PROX1: variants seen among roughly 807,000 people sequenced by gnomAD.
PROX1 encodes prospero homeobox 1.
PROX1 carries 7 observed loss-of-function variants against 58.8 expected under a neutral mutation model. That is an observed-to-expected ratio of 0.12 (90% CI 0.07 to 0.22). PROX1 has a LOEUF of 0.22. Ranked by LOEUF, PROX1 falls within the 10% of genes least tolerant of loss-of-function variation. The pLI, the probability that PROX1 is intolerant of heterozygous loss-of-function variation, is 1.00. For missense variants in PROX1, 675 were observed against 927.8 expected (o/e 0.73, Z 3.54); for synonymous variants, 350 against 358.3 (o/e 0.98, Z 0.26).
chr1:214,011,630 C>T lies in PROX1; in HGVS notation c.1943C>T (p.Thr648Ile), dbSNP rs771082513. 5 of 1,614,096 alleles carry T rather than the reference C, an allele frequency of 3.1e-6. No homozygotes were observed. The highest frequency in any genetic ancestry group is 4.2e-6 in the Non-Finnish European group (5 of 1,179,958). The change falls in exon 4 of 5, where the codon ACC becomes ATC. Residue 648 changes from threonine to isoleucine, a missense_variant. Transcript: ENST00000366958. Reference sequence around the variant, plus strand: ...CGTCAAGCCATCAACGATGGGGTCACCAGTACTGAAGAGCTGTCTATAACC... The same window carrying T: ...CGTCAAGCCATCAACGATGGGGTCATCAGTACTGAAGAGCTGTCTATAACC... ...YARQAINDGV[T>I]STEELSITRD... is the part of the protein sequence containing the mutation.
chr1:213,996,951 A>G lies in PROX1; in HGVS notation c.416A>G (p.Glu139Gly). Reference protein sequence around the residue: ...CSNSSRDSPPECLSPFGRPTM... With the variant: ...CSNSSRDSPPGCLSPFGRPTM... ...AACTCTTCAAGAGACAGCCCCCCAGAGTGTCTTTCCCCTTTTGGCAGGCCT... is the reference window on the plus strand; with the variant it reads ...AACTCTTCAAGAGACAGCCCCCCAGGGTGTCTTTCCCCTTTTGGCAGGCCT... The change falls in exon 2 of 5, where the codon GAG becomes GGG. Residue 139 changes from glutamate (E) to glycine (G), a missense_variant. By Grantham distance (98) the Glu-to-Gly change is moderately conservative. This residue lies in a region of PROX1 where 157 missense variants were observed against 197.8 expected (regional missense o/e 0.79). Coordinates refer to ENST00000366958, the MANE Select transcript of PROX1 (RefSeq NM_001270616.2). 1 of 1,614,094 alleles carries G rather than the reference A, an allele frequency of 6.2e-7. No individual in the cohort carries two copies. The highest frequency in any genetic ancestry group is 8.5e-7 in the Non-Finnish European group (1 of 1,180,024).
chr1:213,987,493 G>A (rs1178341501), upstream of PROX1: 1 of 147,626 alleles, frequency 6.8e-6, no homozygotes, highest in Admixed American at 6.8e-5. Context: ...CCAAGTCGGA[G>A]GAGCGCTCAC....
chr1:213,991,425 A>AAC (rs145380929), intron 1 of PROX1, among the ~76,000 whole-genome samples: 33 of 151,446 alleles, frequency 2.2e-4, no homozygotes, highest in Non-Finnish European at 2.4e-4. Flanking sequence ...CCACCTCCCA[A>AAC]ACACACACAC....
chr1:214,003,896 T>C (rs2360068), intron 2 of PROX1, among the ~76,000 whole-genome samples: 41,978 of 152,164 alleles, frequency 0.28, 6,004 homozygotes, highest in Admixed American at 0.39. Flanking sequence ...TGGAAAATTT[T>C]ACCTTTCCTA....
chr1:214,036,673 G>C lies in PROX1; in HGVS notation c.*839G>C, dbSNP rs886902525. 1 of 152,090 alleles carries C rather than the reference G, an allele frequency of 6.6e-6. No homozygotes were observed. The highest frequency in any genetic ancestry group is 1.5e-5 in the Non-Finnish European group (1 of 68,008). 9.4% of individuals were successfully genotyped at this position (152,090 alleles called of 1,614,324 possible). On this transcript the variant is annotated 3_prime_UTR_variant, in exon 5 of 5. Transcript: ENST00000366958. ...TCATTTTTGCTTCAGATACTAAAAGGCACTAAGTTTCCAATTTACGCTGCT... is the reference window on the plus strand; with the variant it reads ...TCATTTTTGCTTCAGATACTAAAAGCCACTAAGTTTCCAATTTACGCTGCT...
upstream of PROX1, chr1:213,985,485 GCTC>G (rs1662802180): frequency 6.6e-6 from 1 of 152,204 alleles, no homozygotes; most frequent in African/African-American, 2.4e-5. Context: ...CGTGGCGCGC[GCTC>G]CTATTTCAAG....
chr1:214,034,118 G>T (rs1446460628), intron 4 of PROX1, among the ~76,000 whole-genome samples: 1 of 152,150 alleles, frequency 6.6e-6, no homozygotes, highest in African/African-American at 2.4e-5. Context: ...TTTCTGCAGA[G>T]TTATTACATT....
At chr1:213,986,211 G>C (rs1662819755), upstream of PROX1, 1 of 151,978 alleles carries the variant, frequency 6.6e-6, no homozygotes, top group Non-Finnish European at 1.5e-5. Flanking sequence ...TGAGTGGTGC[G>C]TGTGCGCTCC....
rs778345593 is a variant in PROX1, at chr1:214,038,579, C to A, written c.*2745C>A. On this transcript the variant is annotated 3_prime_UTR_variant, in exon 5 of 5. Transcript: ENST00000366958. The stretch of plus-strand genomic sequence containing the variant: ...CACACTACCACTTATTTTCTGCTAA[C>A]CCTAAATTATTTTTGCGTATACGCT... 1 of 152,090 alleles carries A rather than the reference C, an allele frequency of 6.6e-6. No homozygotes were observed. The highest frequency in any genetic ancestry group is 2.4e-5 in the African/African-American group (1 of 41,396). The allele number at this position is 152,090 out of a possible 1,614,324, so 9.4% of individuals were successfully genotyped here.
At position 214,035,951 on chromosome 1, in the gene PROX1, A is replaced by G; in HGVS notation, c.*117A>G. On this transcript the variant is annotated 3_prime_UTR_variant, in exon 5 of 5. Transcript: ENST00000366958. ...TGTGTATGGGAGGCATGGATATGTTATGAAATCAGCTGGTAATTCCTCCTC... is the reference window on the plus strand; with the variant it reads ...TGTGTATGGGAGGCATGGATATGTTGTGAAATCAGCTGGTAATTCCTCCTC... 1 of 830,274 alleles carries G rather than the reference A, an allele frequency of 1.2e-6. No individual in the cohort carries two copies. Among genetic ancestry groups the G allele is most frequent in the Non-Finnish European group, 1.7e-6 (1 of 583,990 alleles). 51.4% of individuals were successfully genotyped at this position (830,274 alleles called of 1,614,324 possible).
intron 4 of PROX1, among the ~76,000 whole-genome samples, chr1:214,017,418 T>A (rs1664131973): frequency 6.6e-6 from 1 of 152,196 alleles, no homozygotes; most frequent in African/African-American, 2.4e-5. Flanking sequence ...CCTTATCAGT[T>A]ACTCCATTTA....
intron 2 of PROX1, among the ~76,000 whole-genome samples, chr1:214,004,585 A>T (rs955840777): frequency 1.3e-5 from 2 of 152,214 alleles, no homozygotes; most frequent in African/African-American, 4.8e-5. Context: ...ATTTAAAAGG[A>T]AAAACAATTA....
In PROX1 at chr1:214,039,535, T is replaced by C. The variant is rs1664936778; in HGVS notation, c.*3701T>C. 1 of 152,198 alleles carries C rather than the reference T, an allele frequency of 6.6e-6. No individual in the cohort carries two copies. The highest frequency in any genetic ancestry group is 1.5e-5 in the Non-Finnish European group (1 of 68,030). 9.4% of individuals were successfully genotyped at this position (152,198 alleles called of 1,614,324 possible). A position where few individuals can be genotyped will look rare whatever the true frequency, so the allele number is the denominator to read the frequency against. On this transcript the variant is annotated 3_prime_UTR_variant, in exon 5 of 5. Transcript: ENST00000366958. ...ATGTAAATATTTAACCTCATGGCTG[T>C]CATTATGTAAGACATGAGATTTTAA...
In PROX1 at chr1:214,003,064, G is replaced by A. The variant is rs78235476; in HGVS notation, c.1726-2101G>A. Among the ~76,000 whole-genome samples the A allele has an allele frequency of 1.9e-3, 294 of 152,188 alleles. 4 individuals carry two copies. The East Asian group carries it at 0.044, about 23-fold the overall frequency. On this transcript the variant is annotated intron_variant, in intron 2 of 4. Transcript: ENST00000366958. ...AGAATAATTTTTTGTTAGATAAAAA[G>A]CCTCTAAATACTGATCAAAATAAAA...
chr1:214,010,790 A>G (rs1331027294), intron 3 of PROX1, among the ~76,000 whole-genome samples: 1 of 152,232 alleles, frequency 6.6e-6, no homozygotes, highest in South Asian at 2.1e-4. Context: ...TGTCTATGCC[A>G]TCTGTGTACT....
At chr1:214,001,533 G>A (rs577490328) in intron 2 of PROX1, among the ~76,000 whole-genome samples, 7 of 152,266 alleles carry the variant, frequency 4.6e-5, no homozygotes, top group Admixed American at 2.0e-4. Context: ...AGTATAAGCC[G>A]TTAAGACGTG....
chr1:214,035,607 A>T (rs1475293247), intron 4 of PROX1, 42 bp from the exon 5 acceptor site: 1 of 1,568,034 alleles, frequency 6.4e-7, no homozygotes, highest in African/African-American at 1.4e-5. Flanking sequence ...TAGACTTGAA[A>T]CTGAAAACTT....
chr1:214,039,425 G>A lies in PROX1; in HGVS notation c.*3591G>A, dbSNP rs1664932653. 6.6e-6 allele frequency: 1 copy of A among 151,850 alleles called. No homozygotes were observed. 9.4% of individuals were successfully genotyped at this position (151,850 alleles called of 1,614,324 possible). A position where few individuals can be genotyped will look rare whatever the true frequency, so the allele number is the denominator to read the frequency against. On this transcript the variant is annotated 3_prime_UTR_variant, in exon 5 of 5. Transcript: ENST00000366958. ...TCTTTGTCACTGTACTAGGGATGTGGGTGAATATCATTTAAAAAAATTTAA... is the reference window on the plus strand; with the variant it reads ...TCTTTGTCACTGTACTAGGGATGTGAGTGAATATCATTTAAAAAAATTTAA...
chr1:214,022,976 C>G (rs1161056593), intron 4 of PROX1, among the ~76,000 whole-genome samples: 1 of 152,210 alleles, frequency 6.6e-6, no homozygotes, highest in Non-Finnish European at 1.5e-5. Context: ...GCTTAATTAT[C>G]TCAGTCAAAA....
Sources: gnomAD v4.1 joint callset for allele counts (sites outside exome capture counted in the v4.1 genomes callset) on GRCh38, gnomAD v4.1.1 for gene constraint, gnomAD v4.1.1 regional missense constraint, MANE v1.5 for transcripts, NCBI Gene and HGNC (gene_info 2026-07-23, HGNC 2026-07-21) for gene names.